KCNJ15: variants seen among roughly 807,000 people sequenced by gnomAD.
KCNJ15 encodes potassium inwardly rectifying channel subfamily J member 15.
KCNJ15 carries 14 observed loss-of-function variants against 23.0 expected under a neutral mutation model. The ratio of observed to expected loss-of-function variants is 0.61; its 90% confidence interval spans 0.40 to 0.95. The LOEUF (loss-of-function observed/expected upper bound fraction) is 0.95, where lower values mean the gene tolerates loss of function less well. Ranked by LOEUF, KCNJ15 falls within the 40% of genes least tolerant of loss-of-function variation. The pLI, the probability that KCNJ15 is intolerant of heterozygous loss-of-function variation, is 0.00. For missense variants in KCNJ15, 388 were observed against 461.8 expected (o/e 0.84, Z 1.46); for synonymous variants, 185 against 183.2 (o/e 1.01, Z -0.08).
intron 1 of KCNJ15, among the ~76,000 whole-genome samples, chr21:38,296,184 C>T (rs73426702): frequency 4.0e-5 from 6 of 150,896 alleles, no homozygotes; most frequent in East Asian, 1.9e-4. Flanking sequence ...ATATTTAGAC[C>T]GGTAATAAAT....
intron 1 of KCNJ15, among the ~76,000 whole-genome samples, chr21:38,263,787 T>G (rs1477796576): frequency 2.0e-5 from 3 of 152,198 alleles, no homozygotes; most frequent in Non-Finnish European, 4.4e-5. Flanking sequence ...TGGCCAGCCT[T>G]CGGGATTGCG....
intron 1 of KCNJ15, among the ~76,000 whole-genome samples, chr21:38,288,673 A>G (rs1984245099): frequency 6.6e-6 from 1 of 152,248 alleles, no homozygotes; most frequent in African/African-American, 2.4e-5. Flanking sequence ...TGTGAGTGGT[A>G]AAAATTGGCA....
chr21:38,251,096 C>T (rs575123575), intron 1 of KCNJ15, among the ~76,000 whole-genome samples: 24 of 152,202 alleles, frequency 1.6e-4, no homozygotes, highest in South Asian at 6.2e-4. Context: ...AATGATCCGG[C>T]GAGGCTTTCA....
rs567260705 is a variant in KCNJ15 at position 38,299,329 on chromosome 21, A to G, written c.68A>G (p.Lys23Arg). The change falls in exon 3 of 3, where the codon AAG (lysine) becomes AGG (arginine). Residue 23 changes from lysine (K) to arginine (R), a missense_variant. Physicochemically the swap from Lys to Arg is conservative, Grantham distance 26. Transcript: ENST00000398938. The surrounding 1 kb of genome is among the most constrained non-coding windows in gnomAD (Gnocchi z 4.5). ...AAGCACACTGCTGGGGCTGGGCTCA[A>G]GGCCAACAGACCCCGCGTCATGTCC... ...LVKHTAGAGLKANRPRVMSKS... is the reference protein window; with the variant it reads ...LVKHTAGAGLRANRPRVMSKS... 7 of 1,614,160 alleles carry G rather than the reference A, an allele frequency of 4.3e-6. No individual in the cohort carries two copies. In the South Asian group the frequency reaches 7.7e-5, roughly 18 times the overall value.
At chr21:38,231,604 A>G (rs1988746130) in intron 1 of KCNJ15, among the ~76,000 whole-genome samples, 1 of 151,734 alleles carries the variant, frequency 6.6e-6, no homozygotes, top group South Asian at 2.1e-4. Context: ...TTTTGTAGAT[A>G]CCCTTCATCA....
chr21:38,264,192 A>G (rs1177980253), intron 1 of KCNJ15, among the ~76,000 whole-genome samples: 2 of 152,256 alleles, frequency 1.3e-5, no homozygotes, highest in Non-Finnish European at 2.9e-5. Context: ...CTTTTGAAAG[A>G]CAATGTCCAT....
At chr21:38,273,128 G>C (rs1315169551) in intron 1 of KCNJ15, among the ~76,000 whole-genome samples, 1 of 152,114 alleles carries the variant, frequency 6.6e-6, no homozygotes, top group Non-Finnish European at 1.5e-5. Flanking sequence ...ACATACTGAG[G>C]TTTCTTTCAA....
In KCNJ15 at chr21:38,303,039, T is replaced by C. The variant is rs1228305030; in HGVS notation, c.*2650T>C. On this transcript the variant is annotated 3_prime_UTR_variant, in exon 3 of 3. Transcript: ENST00000398938. ...GTCTTAAGAGTGCCTTAAGAGTGTC[T>C]CGTTTTTAAGAGTGTCTTAAAAACC... The C allele has an allele frequency of 2.0e-5, 3 of 152,168 alleles. No individual in the cohort carries two copies. Among genetic ancestry groups the C allele is most frequent in the African/African-American group, 4.8e-5 (2 of 41,442 alleles). The allele number at this position is 152,168 out of a possible 1,614,324, so 9.4% of individuals were successfully genotyped here. A position where few individuals can be genotyped will look rare whatever the true frequency, so the allele number is the denominator to read the frequency against.
intron 1 of KCNJ15, chr21:38,238,177 G>A (rs1301170989): frequency 4.7e-6 from 2 of 425,778 alleles, no homozygotes; most frequent in Non-Finnish European, 8.9e-6. Context: ...TGAGTCTTTA[G>A]TCAGTTGGGA....
rs570578990 is a variant in KCNJ15, at chr21:38,265,117, G to A, written c.-117+7932G>A. Among the ~76,000 whole-genome samples, 15 of 152,286 alleles carry A rather than the reference G, an allele frequency of 9.8e-5. 1 individual carries two copies. In the South Asian group the frequency reaches 3.1e-3, roughly 32 times the overall value. On this transcript the variant is annotated intron_variant, in intron 1 of 2. Coordinates refer to ENST00000398938, the MANE Select transcript of KCNJ15 (RefSeq NM_170736.3). ...AGCATCATTTCAGTCTCCTTCAAAC[G>A]CTATGTCTAGATCTGGCTTGTGTTA...
At chr21:38,283,696 T>C (rs1038365072) in intron 1 of KCNJ15, among the ~76,000 whole-genome samples, 3 of 152,248 alleles carry the variant, frequency 2.0e-5, no homozygotes, top group Non-Finnish European at 4.4e-5. Context: ...TTTAAAACTT[T>C]GAGTATACAT....
At chr21:38,298,547 A>G (rs1220130760) in intron 2 of KCNJ15, among the ~76,000 whole-genome samples, 1 of 152,236 alleles carries the variant, frequency 6.6e-6, no homozygotes, top group Non-Finnish European at 1.5e-5. Flanking sequence ...CCAAAGTCAT[A>G]ACAAAACTAG....
chr21:38,262,311 A>G (rs1980997377), intron 1 of KCNJ15, among the ~76,000 whole-genome samples: 1 of 152,254 alleles, frequency 6.6e-6, no homozygotes, highest in African/African-American at 2.4e-5. Context: ...TGTGACTAGC[A>G]TGCTCTAAAT....
intron 1 of KCNJ15, among the ~76,000 whole-genome samples, chr21:38,264,376 C>T (rs1034651149): frequency 2.0e-5 from 3 of 152,204 alleles, no homozygotes; most frequent in Admixed American, 2.0e-4. Context: ...GTGGGATTCC[C>T]TCCCCATTCC....
At chr21:38,272,382 C>G (rs981227332) in intron 1 of KCNJ15, 1 of 152,450 alleles carries the variant, frequency 6.6e-6, no homozygotes, top group Admixed American at 6.5e-5. Flanking sequence ...CTTCTGCAAG[C>G]TGGGGTGGAG....
At chr21:38,277,269 T>C (rs2123666893) in intron 1 of KCNJ15, among the ~76,000 whole-genome samples, 1 of 152,304 alleles carries the variant, frequency 6.6e-6, no homozygotes, top group South Asian at 2.1e-4. Context: ...CACTTGACTT[T>C]GCCATGATTC....
intron 1 of KCNJ15, among the ~76,000 whole-genome samples, chr21:38,281,423 C>T (rs115350689): frequency 6.6e-6 from 1 of 152,024 alleles, no homozygotes. Context: ...TAAAACCACC[C>T]CACAGCCCTC....
At chr21:38,289,016 GT>G (rs1323604207) in intron 1 of KCNJ15, among the ~76,000 whole-genome samples, 1 of 151,950 alleles carries the variant, frequency 6.6e-6, no homozygotes, top group Non-Finnish European at 1.5e-5. Context: ...GGCCAACATG[GT>G]TAAACCCCAT....
rs78004289 is a variant in KCNJ15 at position 38,241,191 on chromosome 21, C to A, written c.-398-15855C>A. Among the ~76,000 whole-genome samples, 2 of 152,166 alleles carry A rather than the reference C, an allele frequency of 1.3e-5. 1 individual carries two copies. Among genetic ancestry groups the A allele is most frequent in the South Asian group, 4.1e-4 (2 of 4,824 alleles). ...TCTTTACTGTGGTTTTCCTGCCAGG[C>A]GGGGAGCCCTGTGTCACACAGGGTG... is the stretch of plus-strand genomic sequence containing the variant. On this transcript the variant is annotated intron_variant, in intron 1 of 4. Coordinates refer to the KCNJ15 transcript ENST00000547341.
Sources: gnomAD v4.1 joint callset for allele counts (sites outside exome capture counted in the v4.1 genomes callset) on GRCh38, gnomAD v4.1.1 for gene constraint, Gnocchi (gnomAD v3.1) non-coding constraint, MANE v1.5 for transcripts, NCBI Gene and HGNC (gene_info 2026-07-23, HGNC 2026-07-21) for gene names.